Variants in GTF2F1 observed in about 807,000 individuals in gnomAD.
GTF2F1 encodes the protein general transcription factor IIF subunit 1.
A neutral mutation model predicts 63.5 loss-of-function variants in GTF2F1; 39 were observed. The observed-to-expected ratio is 0.61, with a 90% CI of 0.48 to 0.80. GTF2F1 has a LOEUF of 0.80. Ranked by LOEUF, GTF2F1 falls within the 30% of genes least tolerant of loss-of-function variation. GTF2F1 has a pLI of 0.00. For synonymous variants in GTF2F1, 287 were observed against 285.3 expected (o/e 1.01, Z -0.06); for missense variants, 657 against 718.3 (o/e 0.91, Z 0.97).
intron 6 of GTF2F1, among the ~76,000 whole-genome samples, chr19:6,382,093 G>A (rs1269007880): frequency 6.6e-6 from 1 of 151,934 alleles, no homozygotes; most frequent in Non-Finnish European, 1.5e-5. Context: ...CCACCCGGGC[G>A]AGGCACCTGA....
intron 4 of GTF2F1, 84 bp from the exon 5 acceptor site, chr19:6,387,643 GCA>G: frequency 9.6e-7 from 1 of 1,046,872 alleles, no homozygotes. Context: ...CTCCTTTATG[GCA>G]CTTGCCATAG....
In GTF2F1 at chr19:6,387,481, G is replaced by C; in HGVS notation, c.405C>G (p.Phe135Leu). ...YIFTQCPDGA[F>L]EAFPVHNWYN... The stretch of plus-strand genomic sequence containing the variant: ...ACCAGTTGTGCACGGGGAAGGCCTC[G>C]AAGGCCCCGTCGGGGCACTGGGTGA... Residue 135 changes from phenylalanine (F) to leucine (L), a missense_variant, in exon 5 of 13, where the codon TTC (phenylalanine) becomes TTG (leucine). Physicochemically the swap from Phe to Leu is conservative, Grantham distance 22. Transcript: ENST00000394456. 1 of 1,614,084 alleles carries C rather than the reference G, an allele frequency of 6.2e-7. No homozygotes were observed. The highest frequency in any genetic ancestry group is 8.5e-7 in the Non-Finnish European group (1 of 1,179,914).
chr19:6,385,393 CTCAAAAA>C (rs1264604362), intron 5 of GTF2F1, among the ~76,000 whole-genome samples: 3 of 74,866 alleles, frequency 4.0e-5, no homozygotes, highest in Admixed American at 1.9e-4. Context: ...GTGAGACTGT[CTCAAAAA>C]AAAAAAAAAA....
chr19:6,392,693 T>G (rs1320230230), intron 2 of GTF2F1, among the ~76,000 whole-genome samples, 164 bp downstream of exon 2: 1 of 152,198 alleles, frequency 6.6e-6, no homozygotes, highest in African/African-American at 2.4e-5. Flanking sequence ...AAAAGCAGTG[T>G]TGTCCCCAGA....
In GTF2F1 at chr19:6,380,465, T is replaced by C. The variant is rs2091942208; in HGVS notation, c.1370A>G (p.Asp457Gly). 1 of 1,614,078 alleles carries C rather than the reference T, an allele frequency of 6.2e-7. No homozygotes were observed. The highest frequency in any genetic ancestry group is 1.3e-5 in the African/African-American group (1 of 75,022). The part of the protein sequence containing the change: ...PNSGDVQVTE[D>G]AVRRYLTRKP... ...CCGTGTCAGGTAGCGGCGCACGGCA[T>C]CCTCAGTCACCTGCACGTCGCTGAG... Residue 457 changes from aspartate (D) to glycine (G), a missense_variant, in exon 13 of 13, where the codon GAT (aspartate) becomes GGT (glycine). Coordinates refer to ENST00000394456, the MANE Select transcript of GTF2F1 (RefSeq NM_002096.3). The surrounding 1 kb of genome is among the most constrained non-coding windows in gnomAD (Gnocchi z 5.3).
At chr19:6,387,796 A>G (rs1322813303) in intron 4 of GTF2F1, among the ~76,000 whole-genome samples, 1 of 150,658 alleles carries the variant, frequency 6.6e-6, no homozygotes, top group Non-Finnish European at 1.5e-5. Flanking sequence ...TCATTTCTGG[A>G]AAGACTGTGT....
chr19:6,387,485 G>A lies in GTF2F1; in HGVS notation c.401C>T (p.Ala134Val), dbSNP rs375738326. The change falls in exon 5 of 13, where the codon GCC becomes GTC. Residue 134 changes from alanine to valine, a missense_variant. By Grantham distance (64) the Ala-to-Val change is moderately conservative. Coordinates refer to ENST00000394456, the MANE Select transcript of GTF2F1 (RefSeq NM_002096.3). ...YYIFTQCPDG[A>V]FEAFPVHNWY... Reference sequence around the variant, plus strand: ...GTTGTGCACGGGGAAGGCCTCGAAGGCCCCGTCGGGGCACTGGGTGAAGAT... The same window carrying A: ...GTTGTGCACGGGGAAGGCCTCGAAGACCCCGTCGGGGCACTGGGTGAAGAT... The A allele has an allele frequency of 1.9e-5, 30 of 1,614,000 alleles. No individual in the cohort carries two copies. Among genetic ancestry groups the A allele is most frequent in the Non-Finnish European group, 2.5e-5 (29 of 1,179,938 alleles).
chr19:6,388,551 T>G (rs1404344651), intron 4 of GTF2F1, among the ~76,000 whole-genome samples: 1 of 152,172 alleles, frequency 6.6e-6, no homozygotes, highest in East Asian at 1.9e-4. Flanking sequence ...TCATCTCAAG[T>G]GTCATGAGCT....
In GTF2F1 at chr19:6,381,494, T is replaced by C. The variant is rs1599209333; in HGVS notation, c.899-16A>G. ...TCATCGACACCTGGGAGGGGCAGGG[T>C]ATGAGCAAGAGCAGGGAAGCACCGC... is the stretch of plus-strand genomic sequence containing the variant. On this transcript the variant is annotated splice_polypyrimidine_tract_variant and intron_variant, in intron 8 of 12. Coordinates refer to ENST00000394456, the MANE Select transcript of GTF2F1 (RefSeq NM_002096.3). This position sits in a 1 kb window ranked among gnomAD's most constrained non-coding sequence, Gnocchi z 4.1. 2.5e-6 allele frequency: 4 copies of C among 1,608,136 alleles called. No homozygotes were observed. The highest frequency in any genetic ancestry group is 3.4e-6 in the Non-Finnish European group (4 of 1,179,474).
intron 6 of GTF2F1, among the ~76,000 whole-genome samples, chr19:6,382,098 A>G (rs2091954738): frequency 6.6e-6 from 1 of 151,860 alleles, no homozygotes; most frequent in Non-Finnish European, 1.5e-5. Flanking sequence ...CGGGCGAGGC[A>G]CCTGATAACC....
At chr19:6,390,682 C>G (rs1263605925) in intron 3 of GTF2F1, among the ~76,000 whole-genome samples, 1 of 151,360 alleles carries the variant, frequency 6.6e-6, no homozygotes, top group South Asian at 2.1e-4. Context: ...GAGTTCAAGA[C>G]CAGCCTGACC....
intron 5 of GTF2F1, among the ~76,000 whole-genome samples, chr19:6,386,531 C>T (rs1056313899): frequency 3.3e-5 from 5 of 152,148 alleles, no homozygotes; most frequent in African/African-American, 9.7e-5. Flanking sequence ...CTGCAAGCTC[C>T]GCCTCCCAGT....
At position 6,389,501 on chromosome 19, in the gene GTF2F1, T is replaced by A; in HGVS notation, c.269A>T (p.Glu90Val). The A allele has an allele frequency of 6.2e-7, 1 of 1,614,210 alleles. No homozygotes were observed. The highest frequency in any genetic ancestry group is 1.1e-5 in the South Asian group (1 of 91,092). The change falls in exon 4 of 13, where the codon GAG (glutamate) becomes GTG (valine). Residue 90 changes from glutamate to valine, a missense_variant. This residue lies in a region of GTF2F1 where 602 missense variants were observed against 625.6 expected (regional missense o/e 0.96). Coordinates refer to ENST00000394456, the MANE Select transcript of GTF2F1 (RefSeq NM_002096.3). ...CCAGGGCTGGTCCTCGGGCCGGAAC[T>A]CCTTGAGGACGATGCCGTACTTCTT... ...RRKKYGIVLK[E>V]FRPEDQPWLL... is the part of the protein sequence containing the mutation.
At chr19:6,391,439 G>GTTTTTT (rs11340944) in intron 3 of GTF2F1, among the ~76,000 whole-genome samples, 10 of 87,416 alleles carry the variant, frequency 1.1e-4, no homozygotes, top group African/African-American at 2.6e-4. Flanking sequence ...TGCCATTTCC[G>GTTTTTT]TTTTTTTTTT....
chr19:6,388,286 TA>T (rs936147304), intron 4 of GTF2F1, among the ~76,000 whole-genome samples: 2 of 152,154 alleles, frequency 1.3e-5, no homozygotes, highest in Admixed American at 1.3e-4. Context: ...TCCTCAAGCC[TA>T]AACAACTGCC....
Position 6,381,149 on chromosome 19 carries a change from G to A in GTF2F1, c.1065C>T (p.Ser355=), listed in dbSNP as rs148354538. Residue 355 remains serine (S), a synonymous_variant, in exon 10 of 13, where the codon AGC becomes AGT. Transcript: ENST00000394456. This position sits in a 1 kb window ranked among gnomAD's most constrained non-coding sequence, Gnocchi z 4.1. ...CCATGAAGAGGGCTGAGGAGGCCTC[G>A]CTGTCAATGTCGCTCTCCTCTGAGC... ...SDSSEESDID[S]EASSALFMAK... The A allele has an allele frequency of 1.3e-4, 209 of 1,611,584 alleles. 1 individual carries two copies. Among genetic ancestry groups the A allele is most frequent in the Middle Eastern group, 8.3e-4 (5 of 6,048 alleles).
chr19:6,381,188 G>A lies in GTF2F1; in HGVS notation c.1026C>T (p.Ser342=), dbSNP rs373030598. The A allele has an allele frequency of 6.8e-5, 109 of 1,607,678 alleles. No homozygotes were observed. Among genetic ancestry groups the A allele is most frequent in the East Asian group, 1.3e-4 (6 of 44,722 alleles). Residue 342 remains serine, a synonymous_variant, in exon 10 of 13, where the codon AGC becomes AGT. Coordinates refer to ENST00000394456, the MANE Select transcript of GTF2F1 (RefSeq NM_002096.3). This position sits in a 1 kb window ranked among gnomAD's most constrained non-coding sequence, Gnocchi z 4.1. ...TCTCCTCTGAGCTGTCCGACTCCTC[G>A]CTGCTGTCTGCGGGGCACAGGAAAG... ...PQEKKRRKDS[S]EESDSSEESD...
At chr19:6,382,115 A>T (rs1432180720) in intron 6 of GTF2F1, among the ~76,000 whole-genome samples, 1 of 152,116 alleles carries the variant, frequency 6.6e-6, no homozygotes, top group East Asian at 1.9e-4. Context: ...AACCAGGGAC[A>T]CAGCCCCTAC....
At position 6,389,543 on chromosome 19, in the gene GTF2F1, C is replaced by T; in HGVS notation, c.227G>A (p.Arg76Gln). The change falls in exon 4 of 13, where the codon CGG (arginine) becomes CAG (glutamine). Residue 76 changes from arginine (R) to glutamine (Q), a missense_variant. Physicochemically the swap from Arg to Gln is conservative, Grantham distance 43. Around this residue, in one of 2 missense-constraint regions of GTF2F1, gnomAD observed 602 missense variants for 625.6 expected, o/e 0.96. Transcript: ENST00000394456. Reference sequence around the variant, plus strand: ...GTACTTCTTCCTCCGAGCCTCCTCCCGAAGCTTGCGGTTGAACTCACTGCC... The same window carrying T: ...GTACTTCTTCCTCCGAGCCTCCTCCTGAAGCTTGCGGTTGAACTCACTGCC... ...GAGSEFNRKL[R>Q]EEARRKKYGI... The T allele has an allele frequency of 6.2e-7, 1 of 1,614,242 alleles. No homozygotes were observed. The highest frequency in any genetic ancestry group is 8.5e-7 in the Non-Finnish European group (1 of 1,180,034).
Sources: allele counts gnomAD v4.1 joint callset (sites outside exome capture counted in the v4.1 genomes callset), GRCh38; gene constraint gnomAD v4.1.1; regional missense constraint gnomAD v4.1.1; non-coding constraint Gnocchi (gnomAD v3.1); transcripts MANE v1.5; gene names NCBI Gene and HGNC (gene_info 2026-07-23, HGNC 2026-07-21).